The following TGFBR3 variants were observed in gnomAD, a reference collection of about 807,000 sequenced individuals.
TGFBR3 encodes the protein transforming growth factor beta receptor type 3.
Under a neutral mutation model 87.9 loss-of-function variants are expected in TGFBR3, and 46 were observed. That is an observed-to-expected ratio of 0.52 (90% CI 0.41 to 0.67). TGFBR3 has a LOEUF of 0.67. Ranked by LOEUF, TGFBR3 falls within the 30% of genes least tolerant of loss-of-function variation. TGFBR3 has a pLI of 0.00. For missense variants in TGFBR3, 866 were observed against 1,041.9 expected, an observed-to-expected ratio of 0.83 and a Z score of 2.32; for synonymous variants, 381 against 391.6, an observed-to-expected ratio of 0.97 and a Z score of 0.32.
In TGFBR3 at chr1:91,707,184, G is replaced by C. The variant is rs1418151799; in HGVS notation, c.2287+1479C>G. Among the ~76,000 whole-genome samples, 61 of 152,186 alleles carry C rather than the reference G, an allele frequency of 4.0e-4. 1 individual carries two copies. Among genetic ancestry groups the C allele is most frequent in the Admixed American group, 4.0e-3 (61 of 15,284 alleles). On this transcript the variant is annotated intron_variant, in intron 14 of 16. Transcript: ENST00000212355. ...GAAAATGAAACCCAAAGAGCTGGTGGTAGGGGGGTTCTCCAATGTCCCACA... is the reference window on the plus strand; with the variant it reads ...GAAAATGAAACCCAAAGAGCTGGTGCTAGGGGGGTTCTCCAATGTCCCACA...
chr1:91,819,342 T>C (rs545677288), intron 2 of TGFBR3, among the ~76,000 whole-genome samples: 18 of 151,146 alleles, frequency 1.2e-4, no homozygotes, highest in Admixed American at 9.3e-4. Context: ...TATTCCAGCC[T>C]GGGTGACAGA....
rs1557763196 is a variant in TGFBR3 at position 91,885,976 on chromosome 1, C to T, written c.-212G>A. 4.4e-6 allele frequency: 2 copies of T among 451,834 alleles called. No homozygotes were observed. The highest frequency in any genetic ancestry group is 2.4e-5 in the Admixed American group (1 of 42,462). 28.0% of individuals were successfully genotyped at this position (451,834 alleles called of 1,614,324 possible). On this transcript the variant is annotated 5_prime_UTR_variant, in exon 1 of 17. Transcript: ENST00000212355. ...AGCGCTCGGCGGCGGCGAGCTCCGG[C>T]AGCTGCTGCGCCGCGGCAAAACTAC... is the stretch of plus-strand genomic sequence containing the variant.
chr1:91,821,935 G>A (rs1472783210), intron 2 of TGFBR3, among the ~76,000 whole-genome samples: 3 of 152,146 alleles, frequency 2.0e-5, no homozygotes. Flanking sequence ...ATTCTCCTCT[G>A]TAAAGGGAGG....
intron 1 of TGFBR3, among the ~76,000 whole-genome samples, chr1:91,876,795 C>A (rs375197322): frequency 1.3e-5 from 2 of 152,136 alleles, no homozygotes; most frequent in African/African-American, 4.8e-5. Flanking sequence ...TAAAATTATT[C>A]TTAATTTCCA....
intron 2 of TGFBR3, among the ~76,000 whole-genome samples, chr1:91,898,697 A>G (rs1453265497): frequency 6.6e-6 from 1 of 152,152 alleles, no homozygotes; most frequent in African/African-American, 2.4e-5. Context: ...TTGGCCTCCC[A>G]AAGTGCTGGG....
At chr1:91,686,463 G>A (rs1295393581) in intron 16 of TGFBR3, among the ~76,000 whole-genome samples, 2 of 152,162 alleles carry the variant, frequency 1.3e-5, no homozygotes, top group African/African-American at 2.4e-5. Context: ...GCCAAGGTGA[G>A]TCTCTGTCTG....
intron 8 of TGFBR3, 70 bp from the exon 9 acceptor site, chr1:91,720,300 G>C: frequency 7.1e-7 from 1 of 1,406,366 alleles, no homozygotes. Flanking sequence ...ATTACAGGCA[G>C]AACAGGAGGA....
chr1:91,781,513 A>C (rs1338436463), intron 3 of TGFBR3, among the ~76,000 whole-genome samples: 1 of 152,222 alleles, frequency 6.6e-6, no homozygotes, highest in African/African-American at 2.4e-5. Context: ...GAAATGTGCA[A>C]GTGGGCTCAT....
Position 91,708,735 on chromosome 1 carries a change from A to T in TGFBR3, c.2215T>A (p.Trp739Arg), listed in dbSNP as rs377239958. Residue 739 changes from tryptophan (W) to arginine (R), a missense_variant, in exon 14 of 17, where the codon TGG (tryptophan) becomes AGG (arginine). By Grantham distance (101) the Trp-to-Arg change is moderately radical. Transcript: ENST00000212355. ...GTCTTCTTATTCTGCATCATGGCCCAGATTATCGAGGCGTCCAGCGAGGTG... is the reference window on the plus strand; with the variant it reads ...GTCTTCTTATTCTGCATCATGGCCCTGATTATCGAGGCGTCCAGCGAGGTG... ...ACTSLDASII[W>R]AMMQNKKTFT... 1 of 1,613,958 alleles carries T rather than the reference A, an allele frequency of 6.2e-7. No homozygotes were observed. The highest frequency in any genetic ancestry group is 1.3e-5 in the African/African-American group (1 of 74,906).
At chr1:91,879,421 C>T (rs542078439) in intron 1 of TGFBR3, among the ~76,000 whole-genome samples, 21 of 152,216 alleles carry the variant, frequency 1.4e-4, no homozygotes, top group African/African-American at 5.1e-4. Context: ...CCCTGCCCCC[C>T]GACACCAAAA....
At chr1:91,699,851 T>C (rs1671562305) in intron 14 of TGFBR3, among the ~76,000 whole-genome samples, 2 of 152,340 alleles carry the variant, frequency 1.3e-5, no homozygotes, top group South Asian at 4.1e-4. Flanking sequence ...AAGTAACTAT[T>C]TGTGCACAGC....
intron 14 of TGFBR3, among the ~76,000 whole-genome samples, chr1:91,705,318 A>G (rs934035857): frequency 6.8e-6 from 1 of 146,328 alleles, no homozygotes; most frequent in Non-Finnish European, 1.5e-5. Context: ...TCTGCTTCCC[A>G]GGTTTAGGCA....
At chr1:91,803,303 A>C (rs1675708524) in intron 2 of TGFBR3, among the ~76,000 whole-genome samples, 1 of 152,166 alleles carries the variant, frequency 6.6e-6, no homozygotes, top group African/African-American at 2.4e-5. Flanking sequence ...GCCACCCAGA[A>C]CGAAAGCTAT....
chr1:91,770,817 C>T (rs566019834), intron 3 of TGFBR3: 2 of 152,300 alleles, frequency 1.3e-5, no homozygotes, highest in Admixed American at 1.3e-4. Flanking sequence ...ACAACAACAA[C>T]CATGTGATGT....
intron 4 of TGFBR3, among the ~76,000 whole-genome samples, chr1:91,736,538 T>C (rs1458723719): frequency 2.0e-5 from 3 of 151,868 alleles, no homozygotes; most frequent in East Asian, 2.0e-4. Flanking sequence ...GAGGGGAACA[T>C]GTAGCTCTAA....
At chr1:91,887,315 A>G (rs1214944690), upstream of TGFBR3, among the ~76,000 whole-genome samples, 7 of 130,596 alleles carry the variant, frequency 5.4e-5, no homozygotes, top group African/African-American at 2.0e-4. Flanking sequence ...GCACAATCTC[A>G]ATCTCAGCTC....
intron 2 of TGFBR3, among the ~76,000 whole-genome samples, chr1:91,803,539 CTTTTT>C (rs545937797): frequency 6.9e-6 from 1 of 145,738 alleles, no homozygotes; most frequent in Non-Finnish European, 1.5e-5. Context: ...CTCTGAACTG[CTTTTT>C]TTTTTTTAAT....
intron 2 of TGFBR3, among the ~76,000 whole-genome samples, chr1:91,847,747 T>C (rs1257595432): frequency 6.6e-6 from 1 of 151,928 alleles, no homozygotes; most frequent in Non-Finnish European, 1.5e-5. Flanking sequence ...CTAACCCACC[T>C]AAAGTCCCCC....
intron 3 of TGFBR3, among the ~76,000 whole-genome samples, chr1:91,780,784 C>A (rs1674734277): frequency 6.6e-6 from 1 of 151,614 alleles, no homozygotes; most frequent in Admixed American, 6.6e-5. Context: ...TCTCGAACTC[C>A]TGACCTCAGG....
Sources: allele counts gnomAD v4.1 joint callset (sites outside exome capture counted in the v4.1 genomes callset), GRCh38; gene constraint gnomAD v4.1.1; transcripts MANE v1.5; gene names NCBI Gene and HGNC (gene_info 2026-07-23, HGNC 2026-07-21).